Variants in ZNF683 observed in about 807,000 individuals in gnomAD.
The protein encoded by ZNF683 is zinc finger protein 683.
A neutral mutation model predicts 31.4 loss-of-function variants in ZNF683; 20 were observed. The ratio of observed to expected loss-of-function variants is 0.64; its 90% CI spans 0.45 to 0.93. The LOEUF is 0.93. Among genes scored for constraint, ZNF683 ranks in the 40% least tolerant of loss-of-function variants. The probability of loss-of-function intolerance (pLI) is 0.00; values close to 1 mark genes in which losing one functional copy is unlikely to be tolerated. For synonymous variants in ZNF683, 264 were observed against 267.6 expected (o/e 0.99, Z 0.13); for missense variants, 621 against 637.2 (o/e 0.97, Z 0.27).
rs368830003 is a variant in ZNF683, at chr1:26,363,161, C to T, written c.1015-7G>A. On this transcript the variant is annotated splice_polypyrimidine_tract_variant and splice_region_variant and intron_variant, in intron 4 of 5. Transcript: ENST00000349618. The stretch of plus-strand genomic sequence containing the variant: ...TGTGCACACGCAGGTGGACCTGAGT[C>T]AGATGCGGGATAAATGCTGCCAACT... 1.1e-5 allele frequency: 18 copies of T among 1,600,838 alleles called. No individual in the cohort carries two copies. The highest frequency in any genetic ancestry group is 1.3e-5 in the Non-Finnish European group (15 of 1,170,190).
At position 26,363,168 on chromosome 1, in the gene ZNF683, G is replaced by A. The variant is rs11247932; in HGVS notation, c.1015-14C>T. On this transcript the variant is annotated splice_polypyrimidine_tract_variant and intron_variant, in intron 4 of 5. Coordinates refer to ENST00000349618, the MANE Select transcript of ZNF683 (RefSeq NM_001114759.3). ...ACGCAGGTGGACCTGAGTCAGATGC[G>A]GGATAAATGCTGCCAACTGCCCAGC... 0.34 allele frequency: 547,526 copies of A among 1,595,100 alleles called. 96,974 individuals are homozygous for A. The highest frequency in any genetic ancestry group is 0.38 in the Admixed American group (22,262 of 59,104).
rs140357848 is a variant in ZNF683, at chr1:26,362,010, G to A, written c.1156C>T (p.Arg386Cys). 21 of 1,613,632 alleles carry A rather than the reference G, an allele frequency of 1.3e-5. No homozygotes were observed. The Middle Eastern group carries it at 6.6e-4, about 51-fold the overall frequency. Reference sequence around the variant, plus strand: ...TTGAGGTTACTGGAGCTGCTGAAGCGCTTGTGGCACACCTGACGGGAACGA... The same window carrying A: ...TTGAGGTTACTGGAGCTGCTGAAGCACTTGTGGCACACCTGACGGGAACGA... Reference protein sequence around the residue: ...RPHKCSVCHKRFSSSSNLKTH... With the variant: ...RPHKCSVCHKCFSSSSNLKTH... Residue 386 changes from arginine (R) to cysteine (C), a missense_variant, in exon 6 of 6, where the codon CGC becomes TGC. Transcript: ENST00000349618.
intron 4 of ZNF683, among the ~76,000 whole-genome samples, chr1:26,363,796 T>C (rs1570244898): frequency 6.8e-6 from 1 of 146,222 alleles, no homozygotes; most frequent in Non-Finnish European, 1.5e-5. Context: ...GAGGCTGAGG[T>C]GGGAGGATCA....
intron 3 of ZNF683, among the ~76,000 whole-genome samples, chr1:26,365,911 T>C (rs2074510387): frequency 6.6e-6 from 1 of 151,886 alleles, no homozygotes; most frequent in Non-Finnish European, 1.5e-5. Context: ...CTGGGCACGG[T>C]GGCTCACGCC....
chr1:26,370,802 A>T, intron 1 of ZNF683: 1 of 901,124 alleles, frequency 1.1e-6, no homozygotes, highest in Non-Finnish European at 1.3e-6. Context: ...TGCCACAGAT[A>T]GGAAGTGGGG....
intron 3 of ZNF683, among the ~76,000 whole-genome samples, chr1:26,366,943 A>C (rs1477256705): frequency 6.6e-6 from 1 of 152,170 alleles, no homozygotes; most frequent in Non-Finnish European, 1.5e-5. Flanking sequence ...GGCATGAGCC[A>C]CCGTGCCCGG....
At chr1:26,364,428 G>T in intron 4 of ZNF683, 104 bp downstream of exon 4, 2 of 1,338,526 alleles carry the variant, frequency 1.5e-6, no homozygotes, top group South Asian at 2.5e-5. Flanking sequence ...GGTTGCCCAG[G>T]AGTGCCTTCT....
Position 26,361,771 on chromosome 1 carries a change from T to C in ZNF683, c.1395A>G (p.Lys465=). The C allele has an allele frequency of 6.2e-7, 1 of 1,614,040 alleles. No individual in the cohort carries two copies. The highest frequency in any genetic ancestry group is 1.3e-5 in the African/African-American group (1 of 75,058). The part of the protein sequence containing the change: ...ALDLMAVASE[K]HMGYDIDEVK... ...CCTCATCTATGTCATAGCCCATGTG[T>C]TTCTCAGATGCCACCGCCATAAGAT... The change falls in exon 6 of 6, where the codon AAA becomes AAG. Residue 465 remains lysine (K), a synonymous_variant. Transcript: ENST00000349618.
At position 26,367,635 on chromosome 1, in the gene ZNF683, C is replaced by T. The variant is rs761991706; in HGVS notation, c.277G>A (p.Gly93Ser). 2.4e-5 allele frequency: 38 copies of T among 1,611,790 alleles called. No homozygotes were observed. The highest frequency in any genetic ancestry group is 3.1e-5 in the Non-Finnish European group (36 of 1,179,562). The change falls in exon 3 of 6, where the codon GGC becomes AGC. Residue 93 changes from glycine (G) to serine (S), a missense_variant. By Grantham distance (56) the Gly-to-Ser change is moderately conservative (BLOSUM62 0). Coordinates refer to ENST00000349618, the MANE Select transcript of ZNF683 (RefSeq NM_001114759.3). The stretch of plus-strand genomic sequence containing the variant: ...TCTTGGAGGCCCTGCAGGTCTGTGC[C>T]CAGGGGTGCCGGCTGTGGGGTGCAC... ...NLCTPQPAPL[G>S]TDLQGLQEDA... is the part of the protein sequence containing the mutation.
chr1:26,364,130 C>G (rs542363051), intron 4 of ZNF683, among the ~76,000 whole-genome samples: 2 of 152,368 alleles, frequency 1.3e-5, no homozygotes, highest in Admixed American at 1.3e-4. Flanking sequence ...ATTCCCTCAT[C>G]TGACTGCCCA....
chr1:26,363,193 C>G, intron 4 of ZNF683, 39 bp from the exon 5 acceptor site: 1 of 1,583,742 alleles, frequency 6.3e-7, no homozygotes, highest in Non-Finnish European at 8.6e-7. Flanking sequence ...AACTGCCCAG[C>G]ACCCCTAGCA....
chr1:26,364,145 A>G (rs989263839), intron 4 of ZNF683, among the ~76,000 whole-genome samples: 2 of 152,266 alleles, frequency 1.3e-5, no homozygotes, highest in African/African-American at 4.8e-5. Flanking sequence ...TGCCCAAAAA[A>G]ATAAATAAGA....
chr1:26,366,533 A>G (rs531663628), intron 3 of ZNF683, among the ~76,000 whole-genome samples: 2 of 152,226 alleles, frequency 1.3e-5, no homozygotes, highest in African/African-American at 4.8e-5. Context: ...CAACAAACCT[A>G]GAACCCAGGC....
At position 26,367,635 on chromosome 1, in the gene ZNF683, C is replaced by A; in HGVS notation, c.277G>T (p.Gly93Cys). 6.2e-7 allele frequency: 1 copy of A among 1,611,910 alleles called. No homozygotes were observed. The highest frequency in any genetic ancestry group is 8.5e-7 in the Non-Finnish European group (1 of 1,179,556). ...NLCTPQPAPL[G>C]TDLQGLQEDA... is the part of the protein sequence containing the mutation. ...TCTTGGAGGCCCTGCAGGTCTGTGCCCAGGGGTGCCGGCTGTGGGGTGCAC... is the reference window on the plus strand; with the variant it reads ...TCTTGGAGGCCCTGCAGGTCTGTGCACAGGGGTGCCGGCTGTGGGGTGCAC... Residue 93 changes from glycine (G) to cysteine (C), a missense_variant, in exon 3 of 6, where the codon GGC becomes TGC. By Grantham distance (159) the Gly-to-Cys change is radical. Coordinates refer to ENST00000349618, the MANE Select transcript of ZNF683 (RefSeq NM_001114759.3).
upstream of ZNF683, chr1:26,372,897 C>T: frequency 9.1e-7 from 1 of 1,098,266 alleles, no homozygotes. Flanking sequence ...GAGGCTGCTC[C>T]ATGTGGGAAC....
intron 1 of ZNF683, among the ~76,000 whole-genome samples, chr1:26,371,733 A>G (rs2074674228): frequency 6.6e-6 from 1 of 152,016 alleles, no homozygotes; most frequent in African/African-American, 2.4e-5. Flanking sequence ...GGAGTTCAAG[A>G]CCAGCATGAG....
chr1:26,374,517 T>G (rs2074723643), upstream of ZNF683: 5 of 1,170,392 alleles, frequency 4.3e-6, no homozygotes, highest in Non-Finnish European at 5.4e-6. Context: ...AAGCCCTTCC[T>G]TGCTGTCATC....
chr1:26,374,189 C>T, upstream of ZNF683: 1 of 1,272,018 alleles, frequency 7.9e-7, no homozygotes. Context: ...GGCCACAAGC[C>T]CGCCTCCCCT....
chr1:26,369,861 G>C (rs1262827548), intron 1 of ZNF683, among the ~76,000 whole-genome samples: 1 of 152,034 alleles, frequency 6.6e-6, no homozygotes. Flanking sequence ...GGGTGTAGTA[G>C]CCTGTGCCTG....
Sources: gnomAD v4.1 joint callset for allele counts (sites outside exome capture counted in the v4.1 genomes callset) on GRCh38, gnomAD v4.1.1 for gene constraint, MANE v1.5 for transcripts, NCBI Gene and HGNC (gene_info 2026-07-23, HGNC 2026-07-21) for gene names.